COBL: variants seen among roughly 807,000 people sequenced by gnomAD.
COBL encodes the protein protein cordon-bleu.
COBL carries 51 observed loss-of-function variants against 98.8 expected under a neutral mutation model. The observed-to-expected ratio is 0.52, with a 90% confidence interval of 0.41 to 0.65. The LOEUF is 0.65. Among genes scored for constraint, COBL ranks in the 30% least tolerant of loss-of-function variants. The probability of loss-of-function intolerance (pLI) is 0.00; values close to 1 mark genes in which losing one functional copy is unlikely to be tolerated. For synonymous variants in COBL, 634 were observed against 651.7 expected (o/e 0.97, Z 0.41); for missense variants, 1,617 against 1,617.5 (o/e 1.00, Z 0.01).
chr7:51,106,389 T>C (rs1000287217), intron 6 of COBL, among the ~76,000 whole-genome samples: 5 of 152,118 alleles, frequency 3.3e-5, no homozygotes, highest in African/African-American at 1.2e-4. Flanking sequence ...AGGGGCATGT[T>C]TGCTGGAAGC....
In COBL at chr7:51,043,639, C is replaced by T. The variant is rs752113069; in HGVS notation, c.1150G>A (p.Val384Met). ...ACGGTCTCCTCCGCCTCTGACAGCA[C>T]CTGCGGGGCTCCATCCGGGCTGCAG... ...SHCSPDGAPQ[V>M]LSEAEETVSV... Residue 384 changes from valine to methionine, a missense_variant, in exon 8 of 13, where the codon GTG (valine) becomes ATG (methionine). This residue lies in a region of COBL where 1,304 missense variants were observed against 1,282.0 expected (regional missense o/e 1.02). Transcript: ENST00000265136. The T allele has an allele frequency of 1.4e-5, 23 of 1,614,070 alleles. No homozygotes were observed. Among genetic ancestry groups the T allele is most frequent in the Non-Finnish European group, 1.7e-5 (20 of 1,180,044 alleles).
chr7:51,083,323 C>T, intron 7 of COBL: 1 of 855,188 alleles, frequency 1.2e-6, no homozygotes, highest in South Asian at 1.8e-5. Flanking sequence ...CAGATCCAGC[C>T]ACACTCAACA....
Position 51,316,788 on chromosome 7 carries a change from G to C in COBL, c.-155C>G. ...AGGACAGCGGCGGAGCGCGGCGGAC[G>C]GAAGGGGCTGGAATCGTCTCTAGCG... On this transcript the variant is annotated 5_prime_UTR_variant, in exon 1 of 13. Transcript: ENST00000265136. 4 of 514,708 alleles carry C rather than the reference G, an allele frequency of 7.8e-6. No homozygotes were observed. Among genetic ancestry groups the C allele is most frequent in the Non-Finnish European group, 1.2e-5 (4 of 347,796 alleles). 31.9% of individuals were successfully genotyped at this position (514,708 alleles called of 1,614,324 possible).
chr7:51,260,173 T>C (rs1358445986), intron 1 of COBL: 3 of 958,650 alleles, frequency 3.1e-6, no homozygotes, highest in Non-Finnish European at 4.8e-6. Context: ...ATTATCTTTC[T>C]AGAGTTGTAG....
chr7:51,063,811 G>C (rs1791627581), intron 7 of COBL, among the ~76,000 whole-genome samples: 2 of 152,130 alleles, frequency 1.3e-5, no homozygotes, highest in Admixed American at 1.3e-4. Flanking sequence ...ATTAGGATCT[G>C]TTGACTCCAA....
At chr7:51,279,024 C>T (rs1799572917) in intron 1 of COBL, among the ~76,000 whole-genome samples, 1 of 152,250 alleles carries the variant, frequency 6.6e-6, no homozygotes. Context: ...AGTGATACAG[C>T]TGTTGTCATA....
intron 1 of COBL, among the ~76,000 whole-genome samples, chr7:51,264,840 T>TG (rs1798058632): frequency 6.6e-6 from 1 of 152,168 alleles, no homozygotes; most frequent in African/African-American, 2.4e-5. Context: ...CAAAGGTTCA[T>TG]TACATTGTTC....
intron 5 of COBL, among the ~76,000 whole-genome samples, chr7:51,142,569 A>G (rs1756580773): frequency 6.6e-6 from 1 of 151,936 alleles, no homozygotes; most frequent in African/African-American, 2.4e-5. Flanking sequence ...TTTTTACTAG[A>G]GACAGGGTTT....
intron 6 of COBL, among the ~76,000 whole-genome samples, chr7:51,117,226 A>G (rs1175762118): frequency 6.6e-6 from 1 of 150,834 alleles, no homozygotes; most frequent in Non-Finnish European, 1.5e-5. Context: ...GATTCACCAA[A>G]CCTCTTTAAT....
intron 5 of COBL, among the ~76,000 whole-genome samples, chr7:51,161,463 C>T (rs551333562): frequency 1.3e-5 from 2 of 152,322 alleles, no homozygotes; most frequent in East Asian, 3.9e-4. Context: ...TCAGAAACAA[C>T]GCCACTCAAC....
In COBL at chr7:51,081,510, C is replaced by T. The variant is rs937648761; in HGVS notation, c.1096+3656G>A. Among the ~76,000 whole-genome samples, 4 of 151,090 alleles carry T rather than the reference C, an allele frequency of 2.6e-5. 1 individual carries two copies. Among genetic ancestry groups the T allele is most frequent in the South Asian group, 4.1e-4 (2 of 4,830 alleles). On this transcript the variant is annotated intron_variant, in intron 7 of 12. Transcript: ENST00000265136. Reference sequence around the variant, plus strand: ...TGCTCTGCAGAGATGCAGGAGGAAGCCTGATGCTGCCTTGGTAAGTACCCC... The same window carrying T: ...TGCTCTGCAGAGATGCAGGAGGAAGTCTGATGCTGCCTTGGTAAGTACCCC...
chr7:51,106,711 T>C (rs1337203160), intron 6 of COBL, among the ~76,000 whole-genome samples: 1 of 152,188 alleles, frequency 6.6e-6, no homozygotes, highest in Non-Finnish European at 1.5e-5. Flanking sequence ...GTTCTTGATG[T>C]TCCACTTGGT....
intron 1 of COBL, among the ~76,000 whole-genome samples, chr7:51,293,463 A>C (rs537928143): frequency 9.8e-5 from 15 of 152,336 alleles, no homozygotes; most frequent in Non-Finnish European, 2.2e-4. Flanking sequence ...ATGCCAAGTG[A>C]AAAAATTTGA....
intron 6 of COBL, among the ~76,000 whole-genome samples, chr7:51,115,858 T>A (rs575596435): frequency 2.0e-5 from 3 of 152,114 alleles, no homozygotes; most frequent in African/African-American, 7.2e-5. Flanking sequence ...CTATTTCTCC[T>A]AATTTTGTCA....
chr7:51,115,444 T>G lies in COBL; in HGVS notation c.957+20714A>C, dbSNP rs118137947. ...TCCTCTAAGGACTGCTGTAGCTAGATCCCACAAATTTTAATATATTGTATA... is the reference window on the plus strand; with the variant it reads ...TCCTCTAAGGACTGCTGTAGCTAGAGCCCACAAATTTTAATATATTGTATA... On this transcript the variant is annotated intron_variant, in intron 6 of 12. Transcript: ENST00000265136. Among the ~76,000 whole-genome samples, 37 of 152,224 alleles carry G rather than the reference T, an allele frequency of 2.4e-4. No individual in the cohort carries two copies. The East Asian group carries it at 7.1e-3, about 29-fold the overall frequency.
At chr7:51,186,391 CAG>C (rs1789509724) in intron 4 of COBL, among the ~76,000 whole-genome samples, 1 of 152,226 alleles carries the variant, frequency 6.6e-6, no homozygotes, top group Non-Finnish European at 1.5e-5. Flanking sequence ...TATGTTGAAA[CAG>C]ATGACATCAT....
At chr7:51,058,809 G>C (rs908642454) in intron 7 of COBL, among the ~76,000 whole-genome samples, 1 of 152,244 alleles carries the variant, frequency 6.6e-6, no homozygotes, top group African/African-American at 2.4e-5. Context: ...GAGTCTGATT[G>C]CTGAGATTCC....
chr7:51,299,832 C>T (rs1378015054), intron 1 of COBL, among the ~76,000 whole-genome samples: 5 of 152,162 alleles, frequency 3.3e-5, no homozygotes, highest in Middle Eastern at 3.2e-3. Flanking sequence ...ACAGGTGACC[C>T]ATGACTCCAC....
intron 6 of COBL, among the ~76,000 whole-genome samples, chr7:51,096,253 T>C (rs1472591752): frequency 1.3e-5 from 2 of 152,110 alleles, no homozygotes; most frequent in Non-Finnish European, 2.9e-5. Flanking sequence ...AACTGAATAA[T>C]ACAATCTTGA....
Sources: gnomAD v4.1 joint callset for allele counts (sites outside exome capture counted in the v4.1 genomes callset) on GRCh38, gnomAD v4.1.1 for gene constraint, gnomAD v4.1.1 regional missense constraint, MANE v1.5 for transcripts, NCBI Gene and HGNC (gene_info 2026-07-23, HGNC 2026-07-21) for gene names.